The following AQR variants were observed in gnomAD, a reference collection of about 807,000 sequenced individuals.
AQR encodes RNA helicase aquarius.
AQR carries 61 observed loss-of-function variants against 180.5 expected under a neutral mutation model. The ratio of observed to expected loss-of-function variants is 0.34; its 90% CI spans 0.28 to 0.42. The LOEUF is 0.42. AQR is among the 10% of genes least tolerant of loss of function. The pLI is 1.00. For missense variants in AQR, 1,281 were observed against 1,798.3 expected (o/e 0.71, Z 5.20); for synonymous variants, 551 against 588.8 (o/e 0.94, Z 0.93).
intron 20 of AQR, among the ~76,000 whole-genome samples, chr15:34,899,692 A>ATC (rs1236897935): frequency 6.6e-6 from 1 of 151,736 alleles, no homozygotes; most frequent in East Asian, 1.9e-4. Flanking sequence ...ATATATATAT[A>ATC]TACAGTTGAA....
At chr15:34,933,181 A>G (rs1035946751) in intron 10 of AQR, among the ~76,000 whole-genome samples, 2 of 152,198 alleles carry the variant, frequency 1.3e-5, no homozygotes, top group Non-Finnish European at 2.9e-5. Context: ...TTACTAATCT[A>G]ATCAAATATC....
chr15:34,925,219 G>A (rs910466920), intron 13 of AQR, among the ~76,000 whole-genome samples: 1 of 151,904 alleles, frequency 6.6e-6, no homozygotes, highest in African/African-American at 2.4e-5. Flanking sequence ...AAAATAAGAA[G>A]GTTACAGAAG....
At chr15:34,908,912 TA>T (rs1462312722) in intron 17 of AQR, among the ~76,000 whole-genome samples, 4 of 152,188 alleles carry the variant, frequency 2.6e-5, no homozygotes, top group African/African-American at 9.7e-5. Flanking sequence ...CAAGGAATAA[TA>T]AATATGAGAC....
At chr15:34,939,314 G>A (rs1272798465) in intron 8 of AQR, among the ~76,000 whole-genome samples, 7 of 152,090 alleles carry the variant, frequency 4.6e-5, no homozygotes, top group Non-Finnish European at 8.8e-5. Context: ...TGGTCCACCC[G>A]CCTCGGCCTC....
At chr15:34,895,738 C>T (rs1893233975) in intron 22 of AQR, among the ~76,000 whole-genome samples, 2 of 151,968 alleles carry the variant, frequency 1.3e-5, no homozygotes, top group South Asian at 4.2e-4. Context: ...GAGAAATAGA[C>T]AAATTCATAA....
chr15:34,889,057 C>T (rs1287882015), intron 24 of AQR, among the ~76,000 whole-genome samples: 1 of 152,144 alleles, frequency 6.6e-6, no homozygotes, highest in Non-Finnish European at 1.5e-5. Flanking sequence ...ATAAATTCGA[C>T]TTCAATATAA....
intron 13 of AQR, among the ~76,000 whole-genome samples, chr15:34,921,405 G>C (rs958100824): frequency 7.1e-6 from 1 of 141,636 alleles, no homozygotes; most frequent in Non-Finnish European, 1.5e-5. Flanking sequence ...CTGCACTCCA[G>C]CCTGGGCAAA....
At chr15:34,920,127 G>A (rs920004297) in intron 14 of AQR, among the ~76,000 whole-genome samples, 2 of 152,166 alleles carry the variant, frequency 1.3e-5, no homozygotes, top group African/African-American at 4.8e-5. Flanking sequence ...CCAGAAAGTA[G>A]TTCGAAGAGA....
chr15:34,933,244 T>C (rs901342381), intron 10 of AQR, among the ~76,000 whole-genome samples: 8 of 152,218 alleles, frequency 5.3e-5, no homozygotes, highest in African/African-American at 1.7e-4. Context: ...AGTTAGTTAC[T>C]GGCAGAGCTA....
intron 5 of AQR, among the ~76,000 whole-genome samples, chr15:34,946,578 T>TC (rs1894123059): frequency 9.0e-6 from 1 of 111,200 alleles, no homozygotes; most frequent in Non-Finnish European, 1.9e-5. Context: ...GGGAGGGAGG[T>TC]GGGGGGGGTC....
At position 34,948,094 on chromosome 15, in the gene AQR, T is replaced by G; in HGVS notation, c.330+170A>C. ...TTATTAAATCGTTTGAAGAAAGTATTGAAACCAAAAGAAAACATATCTTTC... is the reference window on the plus strand; with the variant it reads ...TTATTAAATCGTTTGAAGAAAGTATGGAAACCAAAAGAAAACATATCTTTC... On this transcript the variant is annotated intron_variant, in intron 5 of 34. Transcript: ENST00000156471. 4 of 656,170 alleles carry G rather than the reference T, an allele frequency of 6.1e-6. No individual in the cohort carries two copies. The South Asian group carries it at 1.4e-4, about 23-fold the overall frequency. The allele number at this position is 656,170 out of a possible 1,614,324, so 40.6% of individuals were successfully genotyped here. A position where few individuals can be genotyped will look rare whatever the true frequency, so the allele number is the denominator to read the frequency against.
chr15:34,942,378 G>C (rs1292916085), intron 6 of AQR, among the ~76,000 whole-genome samples: 1 of 152,178 alleles, frequency 6.6e-6, no homozygotes, highest in Admixed American at 6.5e-5. Context: ...TGAGTTGTCC[G>C]ACGTGCACAT....
intron 23 of AQR, among the ~76,000 whole-genome samples, chr15:34,892,436 G>T (rs1220074698): frequency 6.6e-6 from 1 of 152,092 alleles, no homozygotes. Context: ...TAGTGTAGAA[G>T]GAAAAAATAG....
intron 10 of AQR, among the ~76,000 whole-genome samples, chr15:34,934,199 A>T (rs904062633): frequency 6.6e-6 from 1 of 151,352 alleles, no homozygotes; most frequent in Non-Finnish European, 1.5e-5. Context: ...TTTTTTTCTT[A>T]ATGTATTTTT....
intron 26 of AQR, among the ~76,000 whole-genome samples, chr15:34,884,143 ACACCTGTAATCTCAG>A (rs1240289642): frequency 6.6e-6 from 1 of 152,190 alleles, no homozygotes; most frequent in African/African-American, 2.4e-5. Context: ...GTGGTGGCTC[ACACCTGTAATCTCAG>A]CACTTTGGGA....
In AQR at chr15:34,890,335, A is replaced by G; in HGVS notation, c.2572-11T>C. On this transcript the variant is annotated splice_polypyrimidine_tract_variant and intron_variant, in intron 23 of 34. Coordinates refer to ENST00000156471, the MANE Select transcript of AQR (RefSeq NM_014691.3). ...CAACTGGTTTAGGGCCTAGACAATA[A>G]AGCAAGAAGGGTGACGGCACCTTTA... 1 of 1,607,860 alleles carries G rather than the reference A, an allele frequency of 6.2e-7. No homozygotes were observed. The highest frequency in any genetic ancestry group is 8.5e-7 in the Non-Finnish European group (1 of 1,177,344).
chr15:34,910,406 A>G, intron 16 of AQR, 93 bp from the exon 17 acceptor site: 1 of 1,352,828 alleles, frequency 7.4e-7, no homozygotes, highest in South Asian at 1.4e-5. Context: ...AATACTGTTC[A>G]GCTAGTATTT....
intron 4 of AQR, among the ~76,000 whole-genome samples, chr15:34,949,195 T>C (rs1185590192): frequency 6.6e-6 from 1 of 151,448 alleles, no homozygotes; most frequent in African/African-American, 2.4e-5. Context: ...GGTTTCTCCA[T>C]GTTGGTCAGG....
intron 30 of AQR, among the ~76,000 whole-genome samples, chr15:34,873,199 G>C (rs1892845238): frequency 6.6e-6 from 1 of 152,050 alleles, no homozygotes. Flanking sequence ...AAGCATACAA[G>C]TCTTTCCAAA....
Sources: allele counts gnomAD v4.1 joint callset (sites outside exome capture counted in the v4.1 genomes callset), GRCh38; gene constraint gnomAD v4.1.1; transcripts MANE v1.5; gene names NCBI Gene and HGNC (gene_info 2026-07-23, HGNC 2026-07-21).